The following P3H2 variants were observed in gnomAD, a reference collection of about 807,000 sequenced individuals.
The protein encoded by P3H2 is prolyl 3-hydroxylase 2, also known as leprecan-like 1.
In P3H2, 80 loss-of-function variants were observed where a neutral mutation model predicts 87.0. The ratio of observed to expected loss-of-function variants is 0.92; its 90% CI spans 0.77 to 1.11. The LOEUF is 1.11. Among genes scored for constraint, P3H2 ranks in the 50% least tolerant of loss-of-function variants. P3H2 has a pLI of 0.00. For missense variants in P3H2, 1,001 were observed against 923.9 expected (o/e 1.08, Z -1.08); for synonymous variants, 367 against 359.3 (o/e 1.02, Z -0.24).
Position 190,120,746 on chromosome 3 carries a change from A to G in P3H2, c.-15T>C. ...CGCTCCCGCATCCTCCGCCTCAGAG[A>G]GGCGCGGGACGGTTACGCTCGAGAG... is the stretch of plus-strand genomic sequence containing the variant. On this transcript the variant is annotated 5_prime_UTR_variant, in exon 1 of 15. Transcript: ENST00000319332. The G allele has an allele frequency of 6.6e-7, 1 of 1,517,584 alleles. No homozygotes were observed. The highest frequency in any genetic ancestry group is 8.8e-7 in the Non-Finnish European group (1 of 1,140,084). 94.0% of individuals were successfully genotyped at this position (1,517,584 alleles called of 1,614,324 possible). A position where few individuals can be genotyped will look rare whatever the true frequency, so the allele number is the denominator to read the frequency against.
chr3:190,056,461 T>C (rs1052417249), intron 1 of P3H2, among the ~76,000 whole-genome samples: 9 of 152,198 alleles, frequency 5.9e-5, no homozygotes, highest in African/African-American at 2.2e-4. Flanking sequence ...TGGAAAAATA[T>C]GCAGTTTTAA....
intron 1 of P3H2, among the ~76,000 whole-genome samples, chr3:190,008,395 A>G (rs1724462278): frequency 6.6e-6 from 1 of 152,194 alleles, no homozygotes; most frequent in South Asian, 2.1e-4. Context: ...CGCAAATTAA[A>G]GTTGCAAAGT....
rs767271052 is a variant in P3H2, at chr3:190,120,424, G to A, written c.308C>T (p.Pro103Leu). 1 of 1,472,550 alleles carries A rather than the reference G, an allele frequency of 6.8e-7. No homozygotes were observed. The highest frequency in any genetic ancestry group is 1.3e-5 in the South Asian group (1 of 74,604). 91.2% of individuals were successfully genotyped at this position (1,472,550 alleles called of 1,614,324 possible). ...GCGGAAAAGGGGCAGCTCAGCGCCG[G>A]GGCCCTCGCCGGGGGGCGGGGGCGG... The part of the protein sequence containing the change: ...PLPPPPPGEG[P>L]GAELPLFRSL... Residue 103 changes from proline (P) to leucine (L), a missense_variant, in exon 1 of 15, where the codon CCC (proline) becomes CTC (leucine). Physicochemically the swap from Pro to Leu is moderately conservative, Grantham distance 98. Transcript: ENST00000319332.
intron 13 of P3H2, among the ~76,000 whole-genome samples, chr3:189,966,669 T>A (rs1044463669): frequency 5.3e-5 from 8 of 152,368 alleles, no homozygotes; most frequent in Middle Eastern, 3.4e-3. Context: ...CCGTTTATAC[T>A]GAATTTAATT....
intron 6 of P3H2, among the ~76,000 whole-genome samples, chr3:189,986,367 C>T (rs1723697117): frequency 6.6e-6 from 1 of 152,024 alleles, no homozygotes; most frequent in African/African-American, 2.4e-5. Context: ...GGCGGATCAC[C>T]TGAGGTCAGG....
chr3:189,982,935 T>C, intron 8 of P3H2, 111 bp downstream of exon 8: 1 of 832,730 alleles, frequency 1.2e-6, no homozygotes, highest in Admixed American at 1.8e-5. Context: ...AGCTTAGTCT[T>C]ATTCTTTATT....
rs537523237 is a variant in P3H2 at position 190,036,822 on chromosome 3, G to A, written c.481-41380C>T. Among the ~76,000 whole-genome samples the A allele has an allele frequency of 1.8e-4, 27 of 152,208 alleles. No individual in the cohort carries two copies. In the East Asian group the frequency reaches 3.1e-3, roughly 17 times the overall value. Reference sequence around the variant, plus strand: ...TTCTCCTCCACTGTGATGTAAACCAGGCAGCAGCCATGGTACATGAGATAC... The same window carrying A: ...TTCTCCTCCACTGTGATGTAAACCAAGCAGCAGCCATGGTACATGAGATAC... On this transcript the variant is annotated intron_variant, in intron 1 of 14. Transcript: ENST00000319332.
Position 189,974,670 on chromosome 3 carries a change from T to C in P3H2, c.1340A>G (p.Tyr447Cys), listed in dbSNP as rs776705965. The stretch of plus-strand genomic sequence containing the variant: ...GTTGTAGACGAATGTGATGTTCTCA[T>C]AGAGTAGAGGACCACCTACAGGAAC... The part of the protein sequence containing the change: ...RDLREGGPLL[Y>C]ENITFVYNSE... The change falls in exon 9 of 15, where the codon TAT becomes TGT. Residue 447 changes from tyrosine (Y) to cysteine (C), a missense_variant. Tyr to Cys is a radical substitution (Grantham distance 194, BLOSUM62 -2). Coordinates refer to ENST00000319332, the MANE Select transcript of P3H2 (RefSeq NM_018192.4). 19 of 1,614,068 alleles carry C rather than the reference T, an allele frequency of 1.2e-5. No homozygotes were observed. The highest frequency in any genetic ancestry group is 5.3e-5 in the African/African-American group (4 of 74,922).
At chr3:190,109,845 C>CTTTTT (rs141845406) in intron 1 of P3H2, among the ~76,000 whole-genome samples, 1 of 124,584 alleles carries the variant, frequency 8.0e-6, no homozygotes, top group Admixed American at 8.7e-5. Flanking sequence ...GATGCCCAGT[C>CTTTTT]TTTTTTTTTT....
intron 1 of P3H2, among the ~76,000 whole-genome samples, chr3:190,019,997 T>C (rs1160234250): frequency 7.6e-6 from 1 of 132,086 alleles, no homozygotes; most frequent in Non-Finnish European, 1.7e-5. Flanking sequence ...ACCCCATGAA[T>C]ACAATTCTGC....
intron 1 of P3H2, among the ~76,000 whole-genome samples, chr3:190,047,387 T>G (rs1425296397): frequency 6.6e-6 from 1 of 152,196 alleles, no homozygotes; most frequent in Non-Finnish European, 1.5e-5. Context: ...GCTGAGTATA[T>G]ATCCAAGGGA....
Position 190,120,344 on chromosome 3 carries a change from C to T in P3H2, c.388G>A (p.Gly130Ser), listed in dbSNP as rs1428128931. 2.5e-6 allele frequency: 4 copies of T among 1,586,356 alleles called. No homozygotes were observed. Among genetic ancestry groups the T allele is most frequent in the Non-Finnish European group, 3.4e-6 (4 of 1,169,722 alleles). The part of the protein sequence containing the change: ...YRSCETQRLG[G>S]PASRHRVSED... ...CTGACGCGGTGGCGGGATGCGGGGCCCCCGAGGCGCTGGGTCTCACAGCTG... is the reference window on the plus strand; with the variant it reads ...CTGACGCGGTGGCGGGATGCGGGGCTCCCGAGGCGCTGGGTCTCACAGCTG... Residue 130 changes from glycine (G) to serine (S), a missense_variant, in exon 1 of 15, where the codon GGC (glycine) becomes AGC (serine). Physicochemically the swap from Gly to Ser is moderately conservative, Grantham distance 56. Transcript: ENST00000319332.
At chr3:190,098,149 T>C (rs915344780) in intron 1 of P3H2, among the ~76,000 whole-genome samples, 1 of 152,222 alleles carries the variant, frequency 6.6e-6, no homozygotes, top group Admixed American at 6.5e-5. Flanking sequence ...TGTATACATT[T>C]GTATACACTA....
chr3:190,031,829 T>C (rs1378445925), intron 1 of P3H2, among the ~76,000 whole-genome samples: 1 of 151,228 alleles, frequency 6.6e-6, no homozygotes, highest in African/African-American at 2.4e-5. Context: ...CAGCTAGAAA[T>C]AATTGATCAG....
intron 3 of P3H2, among the ~76,000 whole-genome samples, chr3:189,993,110 G>A (rs973387924): frequency 3.9e-5 from 6 of 152,010 alleles, no homozygotes; most frequent in African/African-American, 1.4e-4. Context: ...ATTACCTGAG[G>A]TCAGGAGATC....
chr3:189,984,553 T>C lies in P3H2; in HGVS notation c.1226A>G (p.Asn409Ser). 6.2e-7 allele frequency: 1 copy of C among 1,611,780 alleles called. No homozygotes were observed. Among genetic ancestry groups the C allele is most frequent in the South Asian group, 1.1e-5 (1 of 91,006 alleles). The stretch of plus-strand genomic sequence containing the variant: ...TTTGCATTCTGAATGGACTTACCGA[T>C]TCTCATCCTGTCGTCCTCCATATCT... ...WIRYGGRQDENRVPSGVNVEG... is the reference protein window; with the variant it reads ...WIRYGGRQDESRVPSGVNVEG... Residue 409 changes from asparagine (N) to serine (S), a missense_variant, in exon 7 of 15, where the codon AAT becomes AGT. By Grantham distance (46) the Asn-to-Ser change is conservative. Transcript: ENST00000319332.
rs1560371510 is a variant in P3H2, at chr3:190,034,227, GTTCCTCATAA to G, written c.481-38795_481-38786del. Among the ~76,000 whole-genome samples the G allele has an allele frequency of 2.6e-5, 4 of 151,632 alleles. No individual in the cohort carries two copies. The East Asian group carries it at 5.8e-4, about 22-fold the overall frequency. The stretch of plus-strand genomic sequence containing the variant: ...TTGAAATAATCACATATGAATAATT[GTTCCTCATAA>G]ACTCTGTCAAAAGTCAGGTTTAGTA... On this transcript the variant is annotated intron_variant, in intron 1 of 14. Coordinates refer to ENST00000319332, the MANE Select transcript of P3H2 (RefSeq NM_018192.4).
intron 1 of P3H2, among the ~76,000 whole-genome samples, chr3:190,070,827 A>G (rs961070751): frequency 6.6e-6 from 1 of 152,174 alleles, no homozygotes; most frequent in African/African-American, 2.4e-5. Flanking sequence ...ACGCTTATGC[A>G]TTGCTCACAC....
intron 13 of P3H2, among the ~76,000 whole-genome samples, chr3:189,970,469 T>C (rs2108907478): frequency 6.6e-6 from 1 of 151,732 alleles, no homozygotes; most frequent in South Asian, 2.1e-4. Context: ...ATTTGACTTA[T>C]TCTAGACTTG....
Sources: allele counts gnomAD v4.1 joint callset (sites outside exome capture counted in the v4.1 genomes callset), GRCh38; gene constraint gnomAD v4.1.1; transcripts MANE v1.5; gene names NCBI Gene and HGNC (gene_info 2026-07-23, HGNC 2026-07-21).